The following FBXL5 variants were observed in gnomAD, a reference collection of about 807,000 sequenced individuals.
FBXL5 encodes the protein F-box and leucine rich repeat protein 5, also known as F-box/LRR-repeat protein 5.
In FBXL5, 26 loss-of-function variants were observed where a neutral mutation model predicts 78.3. The ratio of observed to expected loss-of-function variants is 0.33; its 90% CI spans 0.24 to 0.46. The LOEUF is 0.46. FBXL5 is among the 20% of genes least tolerant of loss of function. The pLI, the probability that FBXL5 is intolerant of heterozygous loss-of-function variation, is 1.00. For synonymous variants in FBXL5, 295 were observed against 282.5 expected (o/e 1.04, Z -0.45); for missense variants, 710 against 829.2 (o/e 0.86, Z 1.77).
intron 9 of FBXL5, among the ~76,000 whole-genome samples, chr4:15,623,807 A>G (rs1354158079): frequency 1.3e-5 from 2 of 152,030 alleles, no homozygotes; most frequent in East Asian, 3.9e-4. Flanking sequence ...TATATGACTT[A>G]TGAAAAAATT....
chr4:15,655,965 C>T (rs781137479), upstream of FBXL5, among the ~76,000 whole-genome samples: 1 of 152,190 alleles, frequency 6.6e-6, no homozygotes, highest in Admixed American at 6.5e-5. Flanking sequence ...ACAGCGGGCG[C>T]GGGGCCTGGG....
At chr4:15,664,952 A>G (rs1717477181) in intron 1 of FBXL5, among the ~76,000 whole-genome samples, 1 of 151,132 alleles carries the variant, frequency 6.6e-6, no homozygotes, top group Non-Finnish European at 1.5e-5. Flanking sequence ...TTAATGATTC[A>G]TTAAGTTTAA....
chr4:15,638,437 TAC>T (rs1479345447), intron 4 of FBXL5, 69 bp downstream of exon 4: 1 of 1,167,028 alleles, frequency 8.6e-7, no homozygotes, highest in Non-Finnish European at 1.2e-6. Flanking sequence ...AACCAAAATC[TAC>T]AGTTCATATC....
chr4:15,627,121 CT>C (rs1713139662), intron 7 of FBXL5, among the ~76,000 whole-genome samples, 166 bp from the exon 8 acceptor site: 1 of 145,314 alleles, frequency 6.9e-6, no homozygotes, highest in African/African-American at 2.5e-5. Flanking sequence ...GCTCAAATCC[CT>C]GAGAATCTCT....
At chr4:15,674,754 A>G (rs1577520974) in intron 1 of FBXL5, among the ~76,000 whole-genome samples, 1 of 151,302 alleles carries the variant, frequency 6.6e-6, no homozygotes, top group African/African-American at 2.4e-5. Context: ...CGTTCACACT[A>G]TTCTCCTGCC....
At chr4:15,657,350 G>A (rs777053268), upstream of FBXL5, among the ~76,000 whole-genome samples, 5 of 152,176 alleles carry the variant, frequency 3.3e-5, no homozygotes, top group Admixed American at 6.5e-5. Flanking sequence ...TTGGAAAAAA[G>A]AATGAGGGTA....
At chr4:15,644,987 C>T (rs1165163908) in intron 1 of FBXL5, among the ~76,000 whole-genome samples, 3 of 152,156 alleles carry the variant, frequency 2.0e-5, no homozygotes, top group Non-Finnish European at 4.4e-5. Flanking sequence ...GAGATTAAAC[C>T]AGGCCCCTTC....
chr4:15,612,344 C>T lies in FBXL5; in HGVS notation c.1921G>A (p.Gly641Ser). Reference sequence around the variant, plus strand: ...GAAACCAAATCCTGCAGGCCTGCACCAGTTATAGTAAGACAACCAGAGAGA... The same window carrying T: ...GAAACCAAATCCTGCAGGCCTGCACTAGTTATAGTAAGACAACCAGAGAGA... The part of the protein sequence containing the change: ...LNLSGCLTIT[G>S]AGLQDLVSAC... Residue 641 changes from glycine to serine, a missense_variant, in exon 10 of 11, where the codon GGT (glycine) becomes AGT (serine). Coordinates refer to ENST00000341285, the MANE Select transcript of FBXL5 (RefSeq NM_012161.4). 1 of 1,612,734 alleles carries T rather than the reference C, an allele frequency of 6.2e-7. No individual in the cohort carries two copies. Among genetic ancestry groups the T allele is most frequent in the Non-Finnish European group, 8.5e-7 (1 of 1,179,332 alleles).
At chr4:15,641,867 A>C (rs1714918561) in intron 2 of FBXL5, among the ~76,000 whole-genome samples, 1 of 152,030 alleles carries the variant, frequency 6.6e-6, no homozygotes, top group Non-Finnish European at 1.5e-5. Context: ...TCTCTACTAA[A>C]AATACAAAAA....
upstream of FBXL5, among the ~76,000 whole-genome samples, chr4:15,658,795 G>A (rs935351825): frequency 2.0e-5 from 3 of 152,136 alleles, no homozygotes; most frequent in South Asian, 2.1e-4. Context: ...CTACTTTCTC[G>A]ATAGCCACAG....
intron 9 of FBXL5, among the ~76,000 whole-genome samples, chr4:15,613,857 ATT>A (rs1711522862): frequency 1.5e-5 from 2 of 132,132 alleles, no homozygotes; most frequent in Non-Finnish European, 1.7e-5. Context: ...TTTTTTTTTT[ATT>A]TCTTTAAGTT....
intron 1 of FBXL5, among the ~76,000 whole-genome samples, chr4:15,668,082 T>C (rs1483679559): frequency 6.6e-6 from 1 of 151,758 alleles, no homozygotes; most frequent in East Asian, 1.9e-4. Flanking sequence ...AACTATCAAC[T>C]TAATCGAAAA....
In FBXL5 at chr4:15,625,272, C is replaced by A; in HGVS notation, c.1830G>T (p.Gln610His). ...CTCACCTGAGACCATGGTCTGTGAT[C>A]TGATAACATCCAGATAAACTGAGAA... ...LLFLSLSGCYQITDHGLRVLT... is the reference protein window; with the variant it reads ...LLFLSLSGCYHITDHGLRVLT... The change falls in exon 9 of 11, where the codon CAG becomes CAT. Residue 610 changes from glutamine (Q) to histidine (H), a missense_variant. By Grantham distance (24) the Gln-to-His change is conservative. Coordinates refer to ENST00000341285, the MANE Select transcript of FBXL5 (RefSeq NM_012161.4). The A allele has an allele frequency of 6.2e-7, 1 of 1,611,918 alleles. No individual in the cohort carries two copies. The highest frequency in any genetic ancestry group is 8.5e-7 in the Non-Finnish European group (1 of 1,178,784).
At chr4:15,677,242 G>A (rs756720101) in intron 1 of FBXL5, among the ~76,000 whole-genome samples, 1 of 152,090 alleles carries the variant, frequency 6.6e-6, no homozygotes, top group Non-Finnish European at 1.5e-5. Context: ...ATATATGTTC[G>A]TCTTATTACT....
At chr4:15,643,593 G>C (rs369465320) in intron 2 of FBXL5, among the ~76,000 whole-genome samples, 1 of 152,080 alleles carries the variant, frequency 6.6e-6, no homozygotes, top group Non-Finnish European at 1.5e-5. Context: ...TTTTAGTAAA[G>C]ACAGGTTTTC....
chr4:15,624,755 T>A (rs1712848516), intron 9 of FBXL5, among the ~76,000 whole-genome samples: 1 of 152,176 alleles, frequency 6.6e-6, no homozygotes, highest in Non-Finnish European at 1.5e-5. Context: ...CCAAAATTTC[T>A]AAACTCTAGC....
chr4:15,663,377 T>C (rs145693864), upstream of FBXL5, among the ~76,000 whole-genome samples: 559 of 152,316 alleles, frequency 3.7e-3, 1 homozygote, highest in Middle Eastern at 0.01. Flanking sequence ...TCTCAGTATC[T>C]CTATTAAGAT....
intron 1 of FBXL5, among the ~76,000 whole-genome samples, chr4:15,666,936 A>T (rs920219640): frequency 6.6e-6 from 1 of 152,168 alleles, no homozygotes; most frequent in Non-Finnish European, 1.5e-5. Context: ...ATCATTCCAC[A>T]TTGTAGACAT....
At chr4:15,665,460 A>C (rs1717501842) in intron 1 of FBXL5, among the ~76,000 whole-genome samples, 2 of 152,146 alleles carry the variant, frequency 1.3e-5, no homozygotes, top group South Asian at 2.1e-4. Context: ...GAATTACCCC[A>C]ACCAATTCAG....
Sources: allele counts gnomAD v4.1 joint callset (sites outside exome capture counted in the v4.1 genomes callset), GRCh38; gene constraint gnomAD v4.1.1; transcripts MANE v1.5; gene names NCBI Gene and HGNC (gene_info 2026-07-23, HGNC 2026-07-21).